RPL13A: variants seen among roughly 807,000 people sequenced by gnomAD.
RPL13A encodes ribosomal protein L13a, also known as large ribosomal subunit protein uL13.
A neutral mutation model predicts 30.8 loss-of-function variants in RPL13A; 4 were observed. The ratio of observed to expected loss-of-function variants is 0.13; its 90% CI spans 0.06 to 0.30. RPL13A has a LOEUF of 0.30. RPL13A is among the 10% of genes least tolerant of loss of function. The pLI is 1.00. For missense variants in RPL13A, 196 were observed against 272.6 expected, an observed-to-expected ratio of 0.72 and a Z score of 1.98; for synonymous variants, 108 against 104.2, an observed-to-expected ratio of 1.04 and a Z score of -0.22.
intron 1 of RPL13A, among the ~76,000 whole-genome samples, chr19:49,488,928 A>T (rs1474848569): frequency 6.6e-6 from 1 of 151,982 alleles, no homozygotes; most frequent in Non-Finnish European, 1.5e-5. Context: ...ATGGTCTCGA[A>T]CTCCTGACCT....
chr19:49,490,245 G>A lies in RPL13A; in HGVS notation c.102G>A (p.Val34=), dbSNP rs2079852016. Residue 34 remains valine (V), a synonymous_variant, in exon 3 of 8, where the codon GTG becomes GTA. Coordinates refer to ENST00000391857, the MANE Select transcript of RPL13A (RefSeq NM_012423.4). ...CCCTCCCTCTAGGCCGGAAGGTGGT[G>A]GTCGTACGCTGTGAAGGCATCAACA... The part of the protein sequence containing the change: ...AKQVLLGRKV[V]VVRCEGINIS... The A allele has an allele frequency of 6.2e-7, 1 of 1,614,166 alleles. No individual in the cohort carries two copies. The highest frequency in any genetic ancestry group is 8.5e-7 in the Non-Finnish European group (1 of 1,180,038).
In RPL13A at chr19:49,491,855, C is replaced by T. The variant is rs1447964961; in HGVS notation, c.*40C>T. On this transcript the variant is annotated 3_prime_UTR_variant, in exon 8 of 8. Coordinates refer to ENST00000391857, the MANE Select transcript of RPL13A (RefSeq NM_012423.4). ...GTTAATTCCTCATGCGTTGCCTGCC[C>T]TTCCTCCATTGTTGCCCTGGAATGT... is the stretch of plus-strand genomic sequence containing the variant. 1 of 1,499,912 alleles carries T rather than the reference C, an allele frequency of 6.7e-7. No individual in the cohort carries two copies. Among genetic ancestry groups the T allele is most frequent in the Non-Finnish European group, 9.1e-7 (1 of 1,096,100 alleles). 92.9% of individuals were successfully genotyped at this position (1,499,912 alleles called of 1,614,324 possible).
rs1480135162 is a variant in RPL13A at position 49,491,063 on chromosome 19, T to G, written c.366T>G (p.Ala122=). The stretch of plus-strand genomic sequence containing the variant: ...AGAAAAAGCGGATGGTGGTTCCTGC[T>G]GCCCTCAAGGTCGTGCGTCTGAAGC... ...YDKKKRMVVP[A]ALKVVRLKPT... is the part of the protein sequence containing the mutation. Residue 122 remains alanine (A), a synonymous_variant, in exon 6 of 8, where the codon GCT becomes GCG. Transcript: ENST00000391857. 1 of 1,614,250 alleles carries G rather than the reference T, an allele frequency of 6.2e-7. No individual in the cohort carries two copies. Among genetic ancestry groups the G allele is most frequent in the Non-Finnish European group, 8.5e-7 (1 of 1,180,038 alleles).
chr19:49,489,416 G>C (rs748402054), intron 1 of RPL13A, among the ~76,000 whole-genome samples: 3 of 152,142 alleles, frequency 2.0e-5, no homozygotes, highest in Non-Finnish European at 4.4e-5. Flanking sequence ...TGGGAGGATA[G>C]CTTGATCCTG....
chr19:49,489,423 C>T (rs2079842408), intron 1 of RPL13A, among the ~76,000 whole-genome samples: 1 of 152,070 alleles, frequency 6.6e-6, no homozygotes. Flanking sequence ...ATAGCTTGAT[C>T]CTGGGAGGTC....
In RPL13A at chr19:49,487,633, G is replaced by T. The variant is rs780541226; in HGVS notation, c.4G>T (p.Ala2Ser). The T allele has an allele frequency of 1.8e-5, 28 of 1,574,212 alleles. No homozygotes were observed. The South Asian group carries it at 3.0e-4, about 17-fold the overall frequency. Residue 2 changes from alanine (A) to serine (S), a missense_variant, in exon 1 of 8, where the codon GCG (alanine) becomes TCG (serine). Transcript: ENST00000391857. M[A>S]EVQVLVLDGR... is the part of the protein sequence containing the mutation. Reference sequence around the variant, plus strand: ...CTTTTCCAAGCGGCTGCCGAAGATGGCGGAGGTGCAGGTATGGGCTCCGCG... The same window carrying T: ...CTTTTCCAAGCGGCTGCCGAAGATGTCGGAGGTGCAGGTATGGGCTCCGCG...
intron 4 of RPL13A, 66 bp from the exon 5 acceptor site, chr19:49,490,713 C>G (rs1555806806): frequency 6.3e-7 from 1 of 1,592,744 alleles, no homozygotes; most frequent in Non-Finnish European, 8.6e-7. Context: ...ATGGGCCCAC[C>G]TCAGTGGGGT....
At chr19:49,489,999 T>C (rs1214204840) in intron 2 of RPL13A, 77 bp downstream of exon 2, 3 of 1,246,500 alleles carry the variant, frequency 2.4e-6, no homozygotes, top group African/African-American at 3.0e-5. Flanking sequence ...CCATCTTTCG[T>C]TTGAGTCTCA....
intron 1 of RPL13A, 28 bp from the exon 2 acceptor site, chr19:49,489,822 T>TGAGTCCTTTTGCCCTTGTCTCC: frequency 6.5e-7 from 1 of 1,529,160 alleles, no homozygotes; most frequent in Non-Finnish European, 8.7e-7. Context: ...TCCTTGTCTC[T>TGAGTCCTTTTGCCCTTGTCTCC]GAGTCCTTTT....
intron 1 of RPL13A, among the ~76,000 whole-genome samples, chr19:49,488,715 G>GT (rs2079834059): frequency 6.6e-6 from 1 of 152,224 alleles, no homozygotes; most frequent in Non-Finnish European, 1.5e-5. Flanking sequence ...TACTTTTAGT[G>GT]TTTTTTCTGA....
chr19:49,491,630 C>G (rs1054293575), intron 7 of RPL13A, 83 bp downstream of exon 7: 5 of 1,563,468 alleles, frequency 3.2e-6, no homozygotes, highest in South Asian at 1.2e-5. Context: ...GTACTCTTAA[C>G]TGGCAAAGGA....
chr19:49,488,565 A>T (rs2079832528), intron 1 of RPL13A, among the ~76,000 whole-genome samples: 1 of 152,216 alleles, frequency 6.6e-6, no homozygotes, highest in Admixed American at 6.5e-5. Context: ...AGGAAATTAA[A>T]TTGGAATTGG....
At chr19:49,491,641 C>T (rs1201312036) in intron 7 of RPL13A, 88 bp from the exon 8 acceptor site, 15 of 1,567,244 alleles carry the variant, frequency 9.6e-6, no homozygotes, top group Non-Finnish European at 1.3e-5. Context: ...TGGCAAAGGA[C>T]CAGCCGGGGT....
intron 1 of RPL13A, among the ~76,000 whole-genome samples, chr19:49,489,527 C>G (rs145894070): frequency 4.5e-4 from 69 of 152,286 alleles, no homozygotes; most frequent in African/African-American, 1.7e-3. Flanking sequence ...ACTGGGTAGT[C>G]AGTGGGCAGA....
chr19:49,487,816 G>A (rs1041346283), intron 1 of RPL13A, among the ~76,000 whole-genome samples, 172 bp downstream of exon 1: 18 of 152,208 alleles, frequency 1.2e-4, no homozygotes, highest in African/African-American at 4.3e-4. Context: ...GCTCTCTTTA[G>A]GCCTAGGGTT....
At position 49,491,826 on chromosome 19, in the gene RPL13A, G is replaced by A. The variant is rs781605869; in HGVS notation, c.*11G>A. ...GGACTCCTGGTCTGAGCCCAATAAA[G>A]ACTGTTAATTCCTCATGCGTTGCCT... On this transcript the variant is annotated 3_prime_UTR_variant, in exon 8 of 8. Transcript: ENST00000391857. 7 of 1,590,086 alleles carry A rather than the reference G, an allele frequency of 4.4e-6. 1 individual carries two copies. In the South Asian group the frequency reaches 7.8e-5, roughly 18 times the overall value.
intron 1 of RPL13A, 41 bp downstream of exon 1, chr19:49,487,685 G>T: frequency 6.7e-7 from 1 of 1,500,354 alleles, no homozygotes; most frequent in Non-Finnish European, 8.9e-7. Flanking sequence ...GGGGCCGGGT[G>T]GGATCCAGGC....
intron 1 of RPL13A, among the ~76,000 whole-genome samples, chr19:49,489,420 G>A (rs1042084700): frequency 3.3e-5 from 5 of 152,148 alleles, no homozygotes; most frequent in African/African-American, 1.2e-4. Context: ...AGGATAGCTT[G>A]ATCCTGGGAG....
At chr19:49,491,624 T>G in intron 7 of RPL13A, 77 bp downstream of exon 7, 6 of 1,560,954 alleles carry the variant, frequency 3.8e-6, no homozygotes, top group Non-Finnish European at 5.2e-6. Context: ...CACAGAGTAC[T>G]CTTAACTGGC....
Sources: allele counts gnomAD v4.1 joint callset (sites outside exome capture counted in the v4.1 genomes callset), GRCh38; gene constraint gnomAD v4.1.1; transcripts MANE v1.5; gene names NCBI Gene and HGNC (gene_info 2026-07-23, HGNC 2026-07-21).